SEMA6A: variants seen among roughly 807,000 people sequenced by gnomAD.
SEMA6A encodes the protein semaphorin 6A.
In SEMA6A, 25 loss-of-function variants were observed where a neutral mutation model predicts 96.8. The ratio of observed to expected loss-of-function variants is 0.26; its 90% CI spans 0.19 to 0.36. The LOEUF (loss-of-function observed/expected upper bound fraction) is 0.36, where lower values mean the gene tolerates loss of function less well. SEMA6A is among the 10% of genes least tolerant of loss of function. The probability of loss-of-function intolerance (pLI) is 1.00; values close to 1 mark genes in which losing one functional copy is unlikely to be tolerated. For synonymous variants in SEMA6A, 612 were observed against 518.0 expected (o/e 1.18, Z -2.46); for missense variants, 1,363 against 1,323.1 (o/e 1.03, Z -0.47).
chr5:116,483,133 C>G (rs1397192467), intron 10 of SEMA6A, among the ~76,000 whole-genome samples: 1 of 152,122 alleles, frequency 6.6e-6, no homozygotes, highest in Non-Finnish European at 1.5e-5. Context: ...TTACGTAAGA[C>G]TAAACAATTT....
intron 1 of SEMA6A, among the ~76,000 whole-genome samples, chr5:116,529,220 T>C (rs1433837714): frequency 6.6e-6 from 1 of 152,146 alleles, no homozygotes; most frequent in Non-Finnish European, 1.5e-5. Context: ...AAGAGAGTGT[T>C]GAATTACTAG....
intron 1 of SEMA6A, among the ~76,000 whole-genome samples, chr5:116,524,764 G>C (rs1231782011): frequency 4.5e-5 from 1 of 22,044 alleles, no homozygotes; most frequent in Non-Finnish European, 1.6e-4. Context: ...AATTACATGG[G>C]TATGTATACA....
chr5:116,552,523 G>A (rs927542260), intron 1 of SEMA6A, among the ~76,000 whole-genome samples: 3 of 151,740 alleles, frequency 2.0e-5, no homozygotes, highest in Non-Finnish European at 4.4e-5. Context: ...AATACTCCGG[G>A]TTCATTAAAG....
intron 6 of SEMA6A, 129 bp downstream of exon 6, chr5:116,495,283 CA>C: frequency 1.4e-6 from 1 of 704,928 alleles, no homozygotes; most frequent in South Asian, 1.6e-5. Flanking sequence ...TGGAGCAATA[CA>C]TTAAGTTGAA....
At position 116,446,669 on chromosome 5, in the gene SEMA6A, T is replaced by TG; in HGVS notation, c.3036dup (p.Lys1013GlnfsTer15). On this transcript the variant is annotated frameshift_variant, in exon 19 of 19. Transcript: ENST00000343348. LOFTEE classifies it high-confidence loss of function. ...GTGGAAAGGGGAGCAAAGGATGGTT[T>TG]GGGGGGTACGTCCGGCTTTAGCGAG... 2 of 1,552,850 alleles carry TG rather than the reference T, an allele frequency of 1.3e-6. No homozygotes were observed. Among genetic ancestry groups the TG allele is most frequent in the Non-Finnish European group, 1.7e-6 (2 of 1,147,908 alleles).
chr5:116,534,423 T>C (rs1432743010), intron 1 of SEMA6A, among the ~76,000 whole-genome samples: 3 of 152,162 alleles, frequency 2.0e-5, no homozygotes, highest in Non-Finnish European at 2.9e-5. Flanking sequence ...CATGCCTCCT[T>C]CTCCACCACA....
At chr5:116,486,213 C>A (rs887186825) in intron 10 of SEMA6A, among the ~76,000 whole-genome samples, 1 of 152,136 alleles carries the variant, frequency 6.6e-6, no homozygotes, top group Admixed American at 6.6e-5. Flanking sequence ...TATCTTGAAT[C>A]CTAGATTTCA....
intron 18 of SEMA6A, among the ~76,000 whole-genome samples, chr5:116,448,012 C>T (rs1418628893): frequency 1.3e-5 from 2 of 152,012 alleles, no homozygotes; most frequent in African/African-American, 2.4e-5. Context: ...AAATGGACTC[C>T]ATTTGTAGCC....
intron 18 of SEMA6A, among the ~76,000 whole-genome samples, chr5:116,455,047 T>A (rs747205657): frequency 1.9e-4 from 29 of 152,188 alleles, no homozygotes; most frequent in Non-Finnish European, 3.5e-4. Flanking sequence ...TCCACTTCGA[T>A]CACCTTTAAA....
chr5:116,522,689 C>G (rs1252635169), intron 1 of SEMA6A, among the ~76,000 whole-genome samples: 1 of 152,136 alleles, frequency 6.6e-6, no homozygotes, highest in Non-Finnish European at 1.5e-5. Context: ...TTATTTTATG[C>G]TCCATAAGTG....
intron 16 of SEMA6A, 140 bp from the exon 17 acceptor site, chr5:116,473,233 G>A (rs1368572347): frequency 3.6e-5 from 28 of 775,392 alleles, no homozygotes; most frequent in South Asian, 3.5e-4. Flanking sequence ...TAATTTCTGC[G>A]TGTAATGTAA....
chr5:116,474,901 T>C (rs1016530311), intron 16 of SEMA6A, among the ~76,000 whole-genome samples: 1 of 152,196 alleles, frequency 6.6e-6, no homozygotes, highest in Non-Finnish European at 1.5e-5. Context: ...TCGGGTCACA[T>C]GACAACTGGG....
intron 1 of SEMA6A, among the ~76,000 whole-genome samples, chr5:116,529,078 G>A (rs1759352902): frequency 6.6e-6 from 1 of 152,162 alleles, no homozygotes; most frequent in Admixed American, 6.5e-5. Context: ...TTAACCTCAT[G>A]CATGAAAACA....
intron 1 of SEMA6A, among the ~76,000 whole-genome samples, chr5:116,512,481 TAATA>T (rs1758455796): frequency 6.6e-6 from 1 of 152,198 alleles, no homozygotes; most frequent in African/African-American, 2.4e-5. Flanking sequence ...TGGAGGATAA[TAATA>T]AATATCGACT....
intron 1 of SEMA6A, among the ~76,000 whole-genome samples, chr5:116,522,773 C>T (rs918106586): frequency 2.6e-5 from 4 of 152,040 alleles, no homozygotes; most frequent in Non-Finnish European, 5.9e-5. Flanking sequence ...TGGGCAGGCA[C>T]CTGCCCCCTT....
At chr5:116,462,876 A>G (rs1010608393) in intron 18 of SEMA6A, among the ~76,000 whole-genome samples, 4 of 152,168 alleles carry the variant, frequency 2.6e-5, no homozygotes, top group African/African-American at 7.2e-5. Context: ...CTCACCTACC[A>G]TATTATTTAC....
At chr5:116,499,821 C>T (rs1031053097) in intron 3 of SEMA6A, among the ~76,000 whole-genome samples, 1 of 152,160 alleles carries the variant, frequency 6.6e-6, no homozygotes, top group Admixed American at 6.5e-5. Flanking sequence ...TTTTAATGAG[C>T]TAGACTAATG....
intron 1 of SEMA6A, among the ~76,000 whole-genome samples, chr5:116,534,700 A>T (rs920311168): frequency 6.6e-6 from 1 of 152,180 alleles, no homozygotes. Flanking sequence ...ATGAGCTTGT[A>T]TGTTTACTGG....
In SEMA6A at chr5:116,445,742, T is replaced by C. The variant is rs1580427925; in HGVS notation, c.*871A>G. 1 of 152,660 alleles carries C rather than the reference T, an allele frequency of 6.6e-6. No individual in the cohort carries two copies. The highest frequency in any genetic ancestry group is 2.4e-5 in the African/African-American group (1 of 41,458). The allele number at this position is 152,660 out of a possible 1,614,324, so 9.5% of individuals were successfully genotyped here. On this transcript the variant is annotated 3_prime_UTR_variant, in exon 19 of 19. Transcript: ENST00000343348. ...CAAACACAAAGCTCAGAATTCCAGC[T>C]CCAACTTATTTACTCAGTGAATTTA...
Sources: allele counts gnomAD v4.1 joint callset (sites outside exome capture counted in the v4.1 genomes callset), GRCh38; gene constraint gnomAD v4.1.1; transcripts MANE v1.5; gene names NCBI Gene and HGNC (gene_info 2026-07-23, HGNC 2026-07-21).